Variants in ASPH observed in about 807,000 individuals in gnomAD.
ASPH encodes the protein aspartate beta-hydroxylase, also known as aspartyl/asparaginyl beta-hydroxylase.
ASPH carries 100 observed loss-of-function variants against 118.4 expected under a neutral mutation model. The ratio of observed to expected loss-of-function variants is 0.84; its 90% confidence interval spans 0.72 to 1.00. The LOEUF (loss-of-function observed/expected upper bound fraction) is 1.00, where lower values mean the gene tolerates loss of function less well. Among genes scored for constraint, ASPH ranks in the 50% least tolerant of loss-of-function variants. The pLI is 0.00. For synonymous variants in ASPH, 315 were observed against 325.6 expected, an observed-to-expected ratio of 0.97 and a Z score of 0.35; for missense variants, 920 against 919.5, an observed-to-expected ratio of 1.00 and a Z score of -0.01.
rs188751340 is a variant in ASPH at position 61,570,636 on chromosome 8, C to A, written c.1150-3318G>T. On this transcript the variant is annotated intron_variant, in intron 16 of 24. Coordinates refer to ENST00000379454, the MANE Select transcript of ASPH (RefSeq NM_004318.4). ...ATCACTACTAAAATGGCACATAATT[C>A]TTTATAAGCTCTTGAATAAAACTGA... Among the ~76,000 whole-genome samples, 10 of 152,252 alleles carry A rather than the reference C, an allele frequency of 6.6e-5. No individual in the cohort carries two copies. In the East Asian group the frequency reaches 1.7e-3, roughly 26 times the overall value.
chr8:61,518,097 C>G lies in ASPH; in HGVS notation c.1927G>C (p.Gly643Arg). 6.2e-7 allele frequency: 1 copy of G among 1,613,770 alleles called. No individual in the cohort carries two copies. Among genetic ancestry groups the G allele is most frequent in the East Asian group, 2.2e-5 (1 of 44,856 alleles). ...AGTAAGGTACAGGTTTTAGGAGCTC[C>G]TTTGCAGGCATTTTCATTTCTTCTT... is the stretch of plus-strand genomic sequence containing the variant. The part of the protein sequence containing the change: ...QGRRNENACK[G>R]APKTCTLLEK... Residue 643 changes from glycine to arginine, a missense_variant, in exon 23 of 25, where the codon GGA becomes CGA. Physicochemically the swap from Gly to Arg is moderately radical, Grantham distance 125. Coordinates refer to ENST00000379454, the MANE Select transcript of ASPH (RefSeq NM_004318.4).
chr8:61,506,501 A>G (rs1008694806), intron 24 of ASPH, among the ~76,000 whole-genome samples: 2 of 152,222 alleles, frequency 1.3e-5, no homozygotes, highest in Non-Finnish European at 2.9e-5. Context: ...ACTACAATTA[A>G]ATAGAGAAAA....
chr8:61,643,834 T>G lies in ASPH; in HGVS notation c.709+111A>C. Reference sequence around the variant, plus strand: ...CTGACCAATCAAAAGTGATTATAAATACCATACAGGGATCTCTGTGTTGAA... The same window carrying G: ...CTGACCAATCAAAAGTGATTATAAAGACCATACAGGGATCTCTGTGTTGAA... On this transcript the variant is annotated intron_variant, in intron 8 of 24. Coordinates refer to ENST00000379454, the MANE Select transcript of ASPH (RefSeq NM_004318.4). 8.6e-6 allele frequency: 7 copies of G among 817,498 alleles called. No individual in the cohort carries two copies. In the South Asian group the frequency reaches 1.1e-4, roughly 13 times the overall value. 50.6% of individuals were successfully genotyped at this position (817,498 alleles called of 1,614,324 possible). A position where few individuals can be genotyped will look rare whatever the true frequency, so the allele number is the denominator to read the frequency against.
At chr8:61,651,220 T>G (rs1810810619) in intron 4 of ASPH, 96 bp from the exon 5 acceptor site, 1 of 992,146 alleles carries the variant, frequency 1.0e-6, no homozygotes, top group Non-Finnish European at 1.5e-6. Flanking sequence ...CACATTAAAA[T>G]GAATATATTT....
chr8:61,601,863 C>T (rs1844094046), intron 14 of ASPH, among the ~76,000 whole-genome samples: 1 of 151,306 alleles, frequency 6.6e-6, no homozygotes, highest in African/African-American at 2.5e-5. Flanking sequence ...TGTCAATTAA[C>T]TCAACAAATT....
chr8:61,517,594 AG>A lies in ASPH; in HGVS notation c.2059del (p.Leu687SerfsTer8), dbSNP rs769489155. On this transcript the variant is annotated frameshift_variant, in exon 24 of 25. Transcript: ENST00000379454. LOFTEE classifies it high-confidence loss of function. ...AATCACCAAGCCCAGGTGCATTCGG[AG>A]CCTGCAGTTTGTGGGCCCTGTGTGC... Reference protein sequence around the residue: ...WPHTGPTNCRLRMHLGLVIPK... With the variant: ...WPHTGPTNCRXRMHLGLVIPK... 6.2e-7 allele frequency: 1 copy of A among 1,614,124 alleles called. No individual in the cohort carries two copies. Among genetic ancestry groups the A allele is most frequent in the South Asian group, 1.1e-5 (1 of 91,084 alleles).
chr8:61,690,779 G>A (rs538874930), intron 1 of ASPH, among the ~76,000 whole-genome samples: 9 of 151,920 alleles, frequency 5.9e-5, no homozygotes, highest in East Asian at 1.9e-4. Context: ...AGTGGCTTAC[G>A]GCAAGAATAT....
In ASPH at chr8:61,714,558, C is replaced by CTT; in HGVS notation, c.-188_-187insAA. On this transcript the variant is annotated 5_prime_UTR_variant, in exon 1 of 25. Coordinates refer to ENST00000379454, the MANE Select transcript of ASPH (RefSeq NM_004318.4). ...GAAGACTTCACCCGCCTGCCGGCTG[C>CTT]GCGCGCCCGGCCTCGCGTGTACGAA... is the stretch of plus-strand genomic sequence containing the variant. The CTT allele has an allele frequency of 1.1e-6, 1 of 917,058 alleles. No individual in the cohort carries two copies. The highest frequency in any genetic ancestry group is 1.4e-6 in the Non-Finnish European group (1 of 691,292). The allele number at this position is 917,058 out of a possible 1,614,324, so 56.8% of individuals were successfully genotyped here.
At position 61,714,309 on chromosome 8, in the gene ASPH, A is replaced by G. The variant is rs557468298; in HGVS notation, c.63T>C (p.Gly21=). Residue 21 remains glycine, a synonymous_variant, in exon 1 of 25, where the codon GGT becomes GGC. Transcript: ENST00000379454. ...GNSSSSGSGS[G]STSAGSSSPG... is the part of the protein sequence containing the mutation. ...GGCTGCTGCTGCCCGCACTCGTGCTACCGCTGCCGGAGCCGCTGCTGCTGC... is the reference window on the plus strand; with the variant it reads ...GGCTGCTGCTGCCCGCACTCGTGCTGCCGCTGCCGGAGCCGCTGCTGCTGC... 1 of 1,522,102 alleles carries G rather than the reference A, an allele frequency of 6.6e-7. No homozygotes were observed. The highest frequency in any genetic ancestry group is 1.2e-5 in the South Asian group (1 of 81,658). 94.3% of individuals were successfully genotyped at this position (1,522,102 alleles called of 1,614,324 possible).
intron 1 of ASPH, among the ~76,000 whole-genome samples, chr8:61,697,135 G>A (rs1263289734): frequency 6.6e-6 from 1 of 152,182 alleles, no homozygotes; most frequent in Non-Finnish European, 1.5e-5. Flanking sequence ...CATTAGCACA[G>A]CATACACAGA....
At chr8:61,635,556 T>C (rs1237112646) in intron 12 of ASPH, among the ~76,000 whole-genome samples, 1 of 152,076 alleles carries the variant, frequency 6.6e-6, no homozygotes, top group African/African-American at 2.4e-5. Context: ...AACCAGTTTC[T>C]TCTATAAGGT....
At chr8:61,686,759 T>C (rs1367102499) in intron 1 of ASPH, among the ~76,000 whole-genome samples, 1 of 152,178 alleles carries the variant, frequency 6.6e-6, no homozygotes, top group Non-Finnish European at 1.5e-5. Flanking sequence ...ATTGAATTTT[T>C]TTTTGGCAAA....
chr8:61,598,053 G>C (rs930991835), intron 14 of ASPH, among the ~76,000 whole-genome samples: 1 of 152,028 alleles, frequency 6.6e-6, no homozygotes, highest in Admixed American at 6.6e-5. Context: ...GACGATAAAG[G>C]AGCAAAAAAT....
chr8:61,684,039 C>G lies in ASPH; in HGVS notation c.253G>C (p.Gly85Arg). ...CACATAAGGATATCAAAATTCTTAC[C>G]TAGAACTTCCTCATAGTCAACAAGA... ...FDLVDYEEVL[G>R]KLGIYDADGD... is the part of the protein sequence containing the mutation. Residue 85 changes from glycine (G) to arginine (R), a missense_variant and splice_region_variant, in exon 2 of 25, where the codon GGA (glycine) becomes CGA (arginine). Coordinates refer to ENST00000379454, the MANE Select transcript of ASPH (RefSeq NM_004318.4). 1 of 1,613,100 alleles carries G rather than the reference C, an allele frequency of 6.2e-7. No homozygotes were observed. Among genetic ancestry groups the G allele is most frequent in the Non-Finnish European group, 8.5e-7 (1 of 1,179,440 alleles).
chr8:61,708,443 T>A (rs989852154), intron 1 of ASPH, among the ~76,000 whole-genome samples: 3 of 152,184 alleles, frequency 2.0e-5, no homozygotes, highest in African/African-American at 7.2e-5. Flanking sequence ...AAATAAAATT[T>A]ACAAGTGAAA....
At chr8:61,538,553 TA>T (rs1269458045) in intron 21 of ASPH, among the ~76,000 whole-genome samples, 1 of 152,242 alleles carries the variant, frequency 6.6e-6, no homozygotes, top group East Asian at 1.9e-4. Context: ...TTCAAGTATT[TA>T]ATTACAAAGA....
chr8:61,556,926 A>G (rs1400945628), intron 18 of ASPH, among the ~76,000 whole-genome samples: 1 of 152,234 alleles, frequency 6.6e-6, no homozygotes, highest in African/African-American at 2.4e-5. Flanking sequence ...CGCAGGGGAC[A>G]CCAGGCCCTC....
rs534218312 is a variant in ASPH, at chr8:61,501,258, G to A, written c.*2101C>T. 1.3e-5 allele frequency: 2 copies of A among 152,084 alleles called. No homozygotes were observed. The highest frequency in any genetic ancestry group is 4.1e-4 in the South Asian group (2 of 4,828). 9.4% of individuals were successfully genotyped at this position (152,084 alleles called of 1,614,324 possible). ...TTAGAAAATCCATTTTATTGCTTGG[G>A]TTTAAAATAGTTGTGGGATACAAGT... On this transcript the variant is annotated 3_prime_UTR_variant, in exon 25 of 25. Coordinates refer to ENST00000379454, the MANE Select transcript of ASPH (RefSeq NM_004318.4).
rs1838900250 is a variant in ASPH, at chr8:61,714,455, G to T, written c.-84C>A. 7.3e-7 allele frequency: 1 copy of T among 1,362,218 alleles called. No homozygotes were observed. Among genetic ancestry groups the T allele is most frequent in the African/African-American group, 1.5e-5 (1 of 65,254 alleles). The allele number at this position is 1,362,218 out of a possible 1,614,324, so 84.4% of individuals were successfully genotyped here. ...ACACGCGACGCGGGAACCGCTGGCGGCGGCGGGCCGCTGGAGCGGGTTCGG... is the reference window on the plus strand; with the variant it reads ...ACACGCGACGCGGGAACCGCTGGCGTCGGCGGGCCGCTGGAGCGGGTTCGG... On this transcript the variant is annotated 5_prime_UTR_variant, in exon 1 of 25. Transcript: ENST00000379454.
Sources: allele counts gnomAD v4.1 joint callset (sites outside exome capture counted in the v4.1 genomes callset), GRCh38; gene constraint gnomAD v4.1.1; transcripts MANE v1.5; gene names NCBI Gene and HGNC (gene_info 2026-07-23, HGNC 2026-07-21).